The following ZC3H18 variants were observed in gnomAD, a reference collection of about 807,000 sequenced individuals.
ZC3H18 encodes the protein zinc finger CCCH-type containing 18.
In ZC3H18, 8 loss-of-function variants were observed where a neutral mutation model predicts 106.1. The observed-to-expected ratio is 0.08, with a 90% CI of 0.04 to 0.14. The LOEUF is 0.14. Ranked by LOEUF, ZC3H18 falls within the 10% of genes least tolerant of loss-of-function variation. The probability of loss-of-function intolerance (pLI) is 1.00; values close to 1 mark genes in which losing one functional copy is unlikely to be tolerated. For synonymous variants in ZC3H18, 635 were observed against 522.1 expected (o/e 1.22, Z -2.95); for missense variants, 1,318 against 1,278.4 (o/e 1.03, Z -0.47).
chr16:88,580,276 A>G (rs11648067), intron 2 of ZC3H18, among the ~76,000 whole-genome samples: 59,155 of 147,346 alleles, frequency 0.4, 12,591 homozygotes, highest in East Asian at 0.57. Flanking sequence ...ACTGGGGGCT[A>G]CCTGGCTGGT....
At chr16:88,576,768 G>T (rs767045427) in intron 1 of ZC3H18, among the ~76,000 whole-genome samples, 11 of 152,188 alleles carry the variant, frequency 7.2e-5, no homozygotes, top group Non-Finnish European at 1.5e-4. Context: ...AATTCACACA[G>T]CTGTCCTTTG....
In ZC3H18 at chr16:88,619,822, C is replaced by T. The variant is rs143117780; in HGVS notation, c.1476-2375C>T. Among the ~76,000 whole-genome samples, 392 of 152,318 alleles carry T rather than the reference C, an allele frequency of 2.6e-3. 6 individuals are homozygous for T. In the South Asian group the frequency reaches 0.042, roughly 16 times the overall value. Reference sequence around the variant, plus strand: ...CCCTCTCCCTGTGTTGGAAGGGCCGCGCTGTCCCTGTGACTTATTGGTGCT... The same window carrying T: ...CCCTCTCCCTGTGTTGGAAGGGCCGTGCTGTCCCTGTGACTTATTGGTGCT... On this transcript the variant is annotated intron_variant, in intron 8 of 17. Transcript: ENST00000301011.
chr16:88,621,786 T>C (rs1905979732), intron 8 of ZC3H18, among the ~76,000 whole-genome samples: 1 of 152,226 alleles, frequency 6.6e-6, no homozygotes, highest in Non-Finnish European at 1.5e-5. Context: ...CCACCATACC[T>C]GGGCTTATTT....
Position 88,631,544 on chromosome 16 carries a change from C to A in ZC3H18, c.*245C>A. 1.6e-6 allele frequency: 1 copy of A among 620,066 alleles called. No individual in the cohort carries two copies. Among genetic ancestry groups the A allele is most frequent in the Non-Finnish European group, 3.0e-6 (1 of 336,938 alleles). 38.4% of individuals were successfully genotyped at this position (620,066 alleles called of 1,614,324 possible). A position where few individuals can be genotyped will look rare whatever the true frequency, so the allele number is the denominator to read the frequency against. Reference sequence around the variant, plus strand: ...GACAGCGCTAGTGACCAGCACGGTTCTCATGTAAATTACAAGCCCCAGCCG... The same window carrying A: ...GACAGCGCTAGTGACCAGCACGGTTATCATGTAAATTACAAGCCCCAGCCG... On this transcript the variant is annotated 3_prime_UTR_variant, in exon 18 of 18. Transcript: ENST00000301011.
intron 7 of ZC3H18, among the ~76,000 whole-genome samples, chr16:88,610,475 C>T (rs1430233576): frequency 2.6e-5 from 4 of 152,162 alleles, no homozygotes; most frequent in Non-Finnish European, 1.5e-5. Flanking sequence ...TACCCCTGGG[C>T]AGGGTACCCT....
At position 88,599,036 on chromosome 16, in the gene ZC3H18, A is replaced by G. The variant is rs576402856; in HGVS notation, c.930+324A>G. 4.6e-5 allele frequency among the ~76,000 whole-genome samples: 7 copies of G among 152,204 alleles called. No homozygotes were observed. The South Asian group carries it at 1.5e-3, about 32-fold the overall frequency. ...ACCAGGCCCGGAAGGATGGAGAGTT[A>G]TATCTAACTGTCTCAGGCAGCAGCC... On this transcript the variant is annotated intron_variant, in intron 5 of 17. Transcript: ENST00000301011.
intron 9 of ZC3H18, 72 bp downstream of exon 9, chr16:88,622,460 G>A (rs1309441411): frequency 4.8e-6 from 7 of 1,462,692 alleles, no homozygotes; most frequent in Non-Finnish European, 6.4e-6. Flanking sequence ...GTACCTCACT[G>A]GGTCAGGTGG....
chr16:88,616,547 A>C (rs1905618985), intron 8 of ZC3H18, among the ~76,000 whole-genome samples: 1 of 152,162 alleles, frequency 6.6e-6, no homozygotes, highest in Non-Finnish European at 1.5e-5. Context: ...CTGGAGGACA[A>C]GGGTTTCCCC....
intron 12 of ZC3H18, 53 bp from the exon 13 acceptor site, chr16:88,625,141 GGAGGCCGC>G: frequency 6.5e-7 from 1 of 1,543,128 alleles, no homozygotes; most frequent in Non-Finnish European, 8.8e-7. Flanking sequence ...GGTGGGGAGG[GGAGGCCGC>G]GAGGGGCTGT....
chr16:88,592,793 T>A (rs1915828755), intron 3 of ZC3H18, among the ~76,000 whole-genome samples: 1 of 152,266 alleles, frequency 6.6e-6, no homozygotes, highest in African/African-American at 2.4e-5. Context: ...CACCATGCAC[T>A]GGCATTTCGA....
At chr16:88,629,603 G>A (rs550253095) in intron 16 of ZC3H18, among the ~76,000 whole-genome samples, 14 of 152,284 alleles carry the variant, frequency 9.2e-5, no homozygotes, top group South Asian at 8.3e-4. Flanking sequence ...CACATGCCTC[G>A]TGCCTTCTGG....
At chr16:88,598,436 T>G in intron 4 of ZC3H18, 110 bp downstream of exon 4, 6 of 1,507,070 alleles carry the variant, frequency 4.0e-6, no homozygotes, top group Non-Finnish European at 4.5e-6. Flanking sequence ...GTGCCCCCTT[T>G]CGGCTGCTTC....
At chr16:88,591,876 A>T (rs1291368555) in intron 3 of ZC3H18, among the ~76,000 whole-genome samples, 2 of 151,920 alleles carry the variant, frequency 1.3e-5, no homozygotes, top group Admixed American at 6.6e-5. Context: ...CTGGCAGTGG[A>T]GTTGCTGATG....
intron 1 of ZC3H18, among the ~76,000 whole-genome samples, chr16:88,576,117 G>A (rs985891704): frequency 1.3e-5 from 2 of 152,086 alleles, no homozygotes; most frequent in Admixed American, 6.6e-5. Context: ...AGCCAGGATG[G>A]TCTCGATCTC....
At position 88,631,221 on chromosome 16, in the gene ZC3H18, G is replaced by T; in HGVS notation, c.2784G>T (p.Arg928=). Reference sequence around the variant, plus strand: ...GGAAGGCCAGCACGCTGTCTCGGCGGGAGGAGCTGCTGAAACAGCTGAAGG... The same window carrying T: ...GGAAGGCCAGCACGCTGTCTCGGCGTGAGGAGCTGCTGAAACAGCTGAAGG... ...KSGKASTLSR[R]EELLKQLKAV... is the part of the protein sequence containing the mutation. Residue 928 remains arginine, a synonymous_variant, in exon 18 of 18, where the codon CGG becomes CGT. Coordinates refer to ENST00000301011, the MANE Select transcript of ZC3H18 (RefSeq NM_144604.4). The T allele has an allele frequency of 1.2e-6, 2 of 1,613,552 alleles. No homozygotes were observed. The highest frequency in any genetic ancestry group is 2.2e-5 in the South Asian group (2 of 91,066).
chr16:88,579,589 C>T (rs1056581652), intron 2 of ZC3H18, among the ~76,000 whole-genome samples: 11 of 152,200 alleles, frequency 7.2e-5, no homozygotes, highest in African/African-American at 2.4e-4. Flanking sequence ...GAGAATGGCC[C>T]TGGCTGCCAA....
rs1188715599 is a variant in ZC3H18, at chr16:88,627,507, C to T, written c.2109-115C>T. 8.6e-6 allele frequency: 12 copies of T among 1,393,668 alleles called. No homozygotes were observed. Among genetic ancestry groups the T allele is most frequent in the Non-Finnish European group, 1.2e-5 (12 of 1,032,476 alleles). The allele number at this position is 1,393,668 out of a possible 1,614,324, so 86.3% of individuals were successfully genotyped here. A position where few individuals can be genotyped will look rare whatever the true frequency, so the allele number is the denominator to read the frequency against. On this transcript the variant is annotated intron_variant, in intron 13 of 17. Coordinates refer to ENST00000301011, the MANE Select transcript of ZC3H18 (RefSeq NM_144604.4). This position sits in a 1 kb window ranked among gnomAD's most constrained non-coding sequence, Gnocchi z 4.5. ...CAGTGTCCCCCCAAAATCACACATT[C>T]CGTGGGTACATGATCCATAAATGGA...
intron 10 of ZC3H18, 71 bp from the exon 11 acceptor site, chr16:88,623,887 G>T: frequency 6.5e-7 from 1 of 1,533,902 alleles, no homozygotes; most frequent in Non-Finnish European, 8.8e-7. Flanking sequence ...GTCTGGGTGG[G>T]TCCTCAGTGG....
chr16:88,595,106 G>A (rs1405394867), intron 3 of ZC3H18, among the ~76,000 whole-genome samples: 2 of 152,196 alleles, frequency 1.3e-5, no homozygotes, highest in Non-Finnish European at 2.9e-5. Context: ...AGCTGAGATT[G>A]TGCCATTGCA....
Sources: gnomAD v4.1 joint callset for allele counts (sites outside exome capture counted in the v4.1 genomes callset) on GRCh38, gnomAD v4.1.1 for gene constraint, Gnocchi (gnomAD v3.1) non-coding constraint, MANE v1.5 for transcripts, NCBI Gene and HGNC (gene_info 2026-07-23, HGNC 2026-07-21) for gene names.